CCDC6: variants seen among roughly 807,000 people sequenced by gnomAD.
The protein encoded by CCDC6 is coiled-coil domain-containing protein 6.
A neutral mutation model predicts 56.6 loss-of-function variants in CCDC6; 20 were observed. The observed-to-expected ratio is 0.35, with a 90% confidence interval of 0.25 to 0.51. CCDC6 has a LOEUF of 0.51. CCDC6 is among the 20% of genes least tolerant of loss of function. CCDC6 has a pLI of 0.95. For synonymous variants in CCDC6, 241 were observed against 234.4 expected (o/e 1.03, Z -0.26); for missense variants, 367 against 601.1 (o/e 0.61, Z 4.07).
In CCDC6 at chr10:59,894,413, C is replaced by G. The variant is rs147807512; in HGVS notation, c.303+11709G>C. ...ATTAACTTCAATTTATCCTTTAGAT[C>G]GTGACTAAGAAATCTCCTCATTCCA... is the stretch of plus-strand genomic sequence containing the variant. On this transcript the variant is annotated intron_variant, in intron 1 of 8. Coordinates refer to ENST00000263102, the MANE Select transcript of CCDC6 (RefSeq NM_005436.5). 2.1e-3 allele frequency among the ~76,000 whole-genome samples: 319 copies of G among 152,264 alleles called. 3 individuals are homozygous for G. The highest frequency in any genetic ancestry group is 6.8e-4 in the Non-Finnish European group (46 of 68,014).
intron 1 of CCDC6, among the ~76,000 whole-genome samples, chr10:59,903,929 G>A (rs2071522783): frequency 6.6e-6 from 1 of 152,128 alleles, no homozygotes; most frequent in Non-Finnish European, 1.5e-5. Flanking sequence ...CTGGATCCTA[G>A]GTCAGTTAAC....
chr10:59,814,900 T>C (rs2070699690), intron 3 of CCDC6, 145 bp from the exon 4 acceptor site: 1 of 609,752 alleles, frequency 1.6e-6, no homozygotes, highest in South Asian at 2.0e-5. Flanking sequence ...ATTAAGTGCA[T>C]CTAGTTCTTA....
chr10:59,788,852 T>C lies in CCDC6; in HGVS notation c.*4065A>G, dbSNP rs775449392. 4 of 202,514 alleles carry C rather than the reference T, an allele frequency of 2.0e-5. No individual in the cohort carries two copies. The highest frequency in any genetic ancestry group is 7.6e-5 in the East Asian group (1 of 13,180). The allele number at this position is 202,514 out of a possible 1,614,324, so 12.5% of individuals were successfully genotyped here. On this transcript the variant is annotated 3_prime_UTR_variant, in exon 9 of 9. Transcript: ENST00000263102. ...CATAAAGGAGTAAATAAGACATTAA[T>C]TGAAAGTCTTACATCTCTCTAAACT... is the stretch of plus-strand genomic sequence containing the variant.
intron 6 of CCDC6, 131 bp from the exon 7 acceptor site, chr10:59,804,651 T>TA (rs1311452997): frequency 7.8e-6 from 5 of 639,344 alleles, no homozygotes; most frequent in Non-Finnish European, 1.4e-5. Context: ...ATGTTATAGT[T>TA]AAAAGGCATT....
At chr10:59,859,886 C>A (rs1302609224) in intron 1 of CCDC6, among the ~76,000 whole-genome samples, 3 of 152,028 alleles carry the variant, frequency 2.0e-5, no homozygotes, top group Non-Finnish European at 4.4e-5. Flanking sequence ...AGTTCAAGAC[C>A]AGGTGCCCAA....
intron 2 of CCDC6, among the ~76,000 whole-genome samples, chr10:59,848,487 T>G (rs1181043703): frequency 1.3e-5 from 2 of 152,154 alleles, no homozygotes; most frequent in Admixed American, 6.6e-5. Context: ...AAGACCAGCC[T>G]GGCCAATGTG....
rs559789765 is a variant in CCDC6, at chr10:59,882,925, A to C, written c.303+23197T>G. ...CAGTGAGCAGAGATCGCGCCACTGC[A>C]CTCCAGCCTGGGCGACAGAGCAAGA... On this transcript the variant is annotated intron_variant, in intron 1 of 8. Coordinates refer to ENST00000263102, the MANE Select transcript of CCDC6 (RefSeq NM_005436.5). 6.6e-5 allele frequency among the ~76,000 whole-genome samples: 10 copies of C among 151,994 alleles called. No individual in the cohort carries two copies. The South Asian group carries it at 1.9e-3, about 28-fold the overall frequency.
At chr10:59,821,519 A>G (rs2070749448) in intron 3 of CCDC6, among the ~76,000 whole-genome samples, 1 of 152,186 alleles carries the variant, frequency 6.6e-6, no homozygotes, top group Non-Finnish European at 1.5e-5. Flanking sequence ...TTACAGATAA[A>G]CTAAGACAGG....
intron 1 of CCDC6, among the ~76,000 whole-genome samples, chr10:59,898,036 C>A (rs1347165760): frequency 6.6e-6 from 1 of 152,210 alleles, no homozygotes; most frequent in Non-Finnish European, 1.5e-5. Context: ...CATCAATCAG[C>A]ACTGCTTTTG....
At chr10:59,859,142 C>A (rs2071103095) in intron 1 of CCDC6, among the ~76,000 whole-genome samples, 1 of 151,166 alleles carries the variant, frequency 6.6e-6, no homozygotes. Context: ...GGAACATGAA[C>A]ACAAGGATTA....
chr10:59,869,020 C>T lies in CCDC6; in HGVS notation c.304-16318G>A, dbSNP rs544928018. On this transcript the variant is annotated intron_variant, in intron 1 of 8. Coordinates refer to ENST00000263102, the MANE Select transcript of CCDC6 (RefSeq NM_005436.5). ...TGAGTCCTGAGTCTTTCTAGCAAAT[C>T]ACCAAACCTGAGGGTGGTCCTGGGG... Among the ~76,000 whole-genome samples, 59 of 152,148 alleles carry T rather than the reference C, an allele frequency of 3.9e-4. 1 individual carries two copies. Among genetic ancestry groups the T allele is most frequent in the Non-Finnish European group, 7.1e-4 (48 of 67,994 alleles).
chr10:59,835,457 T>C (rs1246871533), intron 2 of CCDC6, among the ~76,000 whole-genome samples: 6 of 152,172 alleles, frequency 3.9e-5, no homozygotes, highest in Non-Finnish European at 7.3e-5. Flanking sequence ...TAGGAGGCAT[T>C]TTCCTCTCAA....
rs554166270 is a variant in CCDC6, at chr10:59,888,811, T to C, written c.303+17311A>G. On this transcript the variant is annotated intron_variant, in intron 1 of 8. Transcript: ENST00000263102. ...TGAAGCTGGTGGTTTGTGGATTCACTCTACTTTAGTATATGCTTGAAAATT... is the reference window on the plus strand; with the variant it reads ...TGAAGCTGGTGGTTTGTGGATTCACCCTACTTTAGTATATGCTTGAAAATT... Among the ~76,000 whole-genome samples, 3 of 152,304 alleles carry C rather than the reference T, an allele frequency of 2.0e-5. No homozygotes were observed. The South Asian group carries it at 6.2e-4, about 32-fold the overall frequency.
At chr10:59,796,783 T>A (rs577636554) in intron 7 of CCDC6, among the ~76,000 whole-genome samples, 1 of 152,126 alleles carries the variant, frequency 6.6e-6, no homozygotes, top group South Asian at 2.1e-4. Flanking sequence ...TTGGCTAACA[T>A]GGTGAAACCC....
At chr10:59,887,097 T>G (rs1346812300) in intron 1 of CCDC6, among the ~76,000 whole-genome samples, 1 of 152,204 alleles carries the variant, frequency 6.6e-6, no homozygotes, top group Non-Finnish European at 1.5e-5. Flanking sequence ...ACAATGTCAC[T>G]TCTGTGAATT....
chr10:59,789,768 T>C lies in CCDC6; in HGVS notation c.*3149A>G, dbSNP rs926753403. ...AGTTACTATGCTTTTTCTTGCCTTA[T>C]TGGGCATTCTCTAAAAGCAAGGCTT... On this transcript the variant is annotated 3_prime_UTR_variant, in exon 9 of 9. Coordinates refer to ENST00000263102, the MANE Select transcript of CCDC6 (RefSeq NM_005436.5). 9.0e-6 allele frequency: 2 copies of C among 221,032 alleles called. No individual in the cohort carries two copies. Among genetic ancestry groups the C allele is most frequent in the Non-Finnish European group, 9.1e-6 (1 of 110,180 alleles). The allele number at this position is 221,032 out of a possible 1,614,324, so 13.7% of individuals were successfully genotyped here. A position where few individuals can be genotyped will look rare whatever the true frequency, so the allele number is the denominator to read the frequency against.
intron 2 of CCDC6, 78 bp from the exon 3 acceptor site, chr10:59,832,731 A>C (rs1245425297): frequency 1.3e-6 from 2 of 1,486,782 alleles, no homozygotes; most frequent in African/African-American, 2.8e-5. Context: ...AAAGGTGACT[A>C]TACAAAGAAG....
intron 2 of CCDC6, among the ~76,000 whole-genome samples, chr10:59,851,401 T>A (rs1252098529): frequency 6.6e-6 from 1 of 152,198 alleles, no homozygotes; most frequent in Admixed American, 6.5e-5. Flanking sequence ...TAGACAGTAA[T>A]GCCTGGGTAC....
intron 7 of CCDC6, among the ~76,000 whole-genome samples, chr10:59,797,393 T>G (rs908003117): frequency 3.3e-5 from 5 of 151,812 alleles, no homozygotes; most frequent in Admixed American, 3.3e-4. Flanking sequence ...AATGATTTTT[T>G]TAAGTCAAAC....
Sources: allele counts gnomAD v4.1 joint callset (sites outside exome capture counted in the v4.1 genomes callset), GRCh38; gene constraint gnomAD v4.1.1; transcripts MANE v1.5; gene names NCBI Gene and HGNC (gene_info 2026-07-23, HGNC 2026-07-21).